Variants in IPO7 observed in about 807,000 individuals in gnomAD.
IPO7 encodes importin-7.
Under a neutral mutation model 136.4 loss-of-function variants are expected in IPO7, and 13 were observed. The ratio of observed to expected loss-of-function variants is 0.10; its 90% CI spans 0.06 to 0.15. The LOEUF (loss-of-function observed/expected upper bound fraction) is 0.15. IPO7 is among the 10% of genes least tolerant of loss of function. The pLI, the probability that IPO7 is intolerant of heterozygous loss-of-function variation, is 1.00. For missense variants in IPO7, 857 were observed against 1,240.6 expected, an observed-to-expected ratio of 0.69 and a Z score of 4.65; for synonymous variants, 403 against 404.4, an observed-to-expected ratio of 1.00 and a Z score of 0.04.
intron 4 of IPO7, among the ~76,000 whole-genome samples, chr11:9,413,111 C>T (rs1424955459): frequency 6.6e-6 from 1 of 152,080 alleles, no homozygotes; most frequent in Non-Finnish European, 1.5e-5. Context: ...ATCTCCTGAC[C>T]TCGTGATCCT....
chr11:9,420,385 A>T, intron 6 of IPO7, 26 bp from the exon 7 acceptor site: 2 of 1,402,074 alleles, frequency 1.4e-6, no homozygotes, highest in Non-Finnish European at 2.0e-6. Flanking sequence ...TATTATCTCT[A>T]TCATTAAATA....
At chr11:9,392,806 G>T (rs185092354) in intron 1 of IPO7, among the ~76,000 whole-genome samples, 1 of 151,778 alleles carries the variant, frequency 6.6e-6, no homozygotes, top group Non-Finnish European at 1.5e-5. Flanking sequence ...AAAATTAGCC[G>T]GGCATGGTGT....
In IPO7 at chr11:9,446,763, G is replaced by C. The variant is rs1227012505; in HGVS notation, c.*1569G>C. On this transcript the variant is annotated 3_prime_UTR_variant, in exon 25 of 25. Transcript: ENST00000379719. Reference sequence around the variant, plus strand: ...GTAATTAAGAAAACCCATTGTTGTTGTGTTTTTCTTGTATACCAATAATTA... The same window carrying C: ...GTAATTAAGAAAACCCATTGTTGTTCTGTTTTTCTTGTATACCAATAATTA... 6.6e-6 allele frequency: 1 copy of C among 152,138 alleles called. No individual in the cohort carries two copies. The highest frequency in any genetic ancestry group is 1.5e-5 in the Non-Finnish European group (1 of 68,028). 9.4% of individuals were successfully genotyped at this position (152,138 alleles called of 1,614,324 possible).
intron 24 of IPO7, among the ~76,000 whole-genome samples, chr11:9,444,474 G>A (rs143391050): frequency 1.3e-5 from 2 of 151,564 alleles, no homozygotes; most frequent in South Asian, 4.2e-4. Flanking sequence ...AGTGATTCTC[G>A]TGCCTCAGCT....
rs567900299 is a variant in IPO7, at chr11:9,392,968, T to C, written c.84+8121T>C. Among the ~76,000 whole-genome samples the C allele has an allele frequency of 3.9e-4, 58 of 149,532 alleles. 1 individual carries two copies. The South Asian group carries it at 5.9e-3, about 15-fold the overall frequency. ...TCTCAAAAAAAAAAAAAAAAAAAGT[T>C]ACGGGTTTGAAGAGTATGTTTTAAA... On this transcript the variant is annotated intron_variant, in intron 1 of 24. Transcript: ENST00000379719.
chr11:9,438,291 G>A lies in IPO7; in HGVS notation c.2695+6G>A. The A allele has an allele frequency of 6.7e-7, 1 of 1,492,630 alleles. No homozygotes were observed. Among genetic ancestry groups the A allele is most frequent in the Non-Finnish European group, 9.3e-7 (1 of 1,073,964 alleles). The allele number at this position is 1,492,630 out of a possible 1,614,324, so 92.5% of individuals were successfully genotyped here. ...TGAAGATGATGATGAAACCGGTAAG[G>A]GATTTTCAATGGAAGAAGACAAAAC... On this transcript the variant is annotated splice_donor_region_variant and intron_variant, in intron 22 of 24. Transcript: ENST00000379719.
At chr11:9,395,528 C>A (rs12801924) in intron 1 of IPO7, among the ~76,000 whole-genome samples, 1 of 151,892 alleles carries the variant, frequency 6.6e-6, no homozygotes, top group African/African-American at 2.4e-5. Context: ...TGTGAGCCAC[C>A]GCCCCCGGCC....
At chr11:9,425,390 T>C in intron 12 of IPO7, 128 bp downstream of exon 12, 1 of 655,946 alleles carries the variant, frequency 1.5e-6, no homozygotes, top group African/African-American at 1.8e-5. Context: ...GCAGATTGCC[T>C]GAGCCCAGGA....
chr11:9,429,957 G>C, intron 15 of IPO7, 123 bp downstream of exon 15: 1 of 624,482 alleles, frequency 1.6e-6, no homozygotes, highest in Non-Finnish European at 2.7e-6. Flanking sequence ...CCTGGGATCG[G>C]TTTCATGGAA....
intron 6 of IPO7, chr11:9,420,177 C>T (rs1257671659): frequency 1.1e-5 from 5 of 438,316 alleles, no homozygotes; most frequent in Admixed American, 8.0e-5. Context: ...ATTAGCTGGG[C>T]GTTGTGGCGG....
At chr11:9,393,658 C>T (rs1375751483) in intron 1 of IPO7, among the ~76,000 whole-genome samples, 2 of 152,168 alleles carry the variant, frequency 1.3e-5, no homozygotes, top group Non-Finnish European at 2.9e-5. Flanking sequence ...GTTGGGATTA[C>T]AGGCGTGAGC....
intron 8 of IPO7, 95 bp from the exon 9 acceptor site, chr11:9,422,911 T>G (rs1855154779): frequency 1.6e-6 from 1 of 638,276 alleles, no homozygotes; most frequent in South Asian, 3.8e-5. Context: ...ATGATGAGCT[T>G]GTCATTAAAA....
chr11:9,421,286 C>G (rs1304751080), intron 8 of IPO7, among the ~76,000 whole-genome samples: 1 of 149,482 alleles, frequency 6.7e-6, no homozygotes, highest in African/African-American at 2.5e-5. Flanking sequence ...TGCTTGAAAC[C>G]TCAAGTTTTA....
At chr11:9,391,762 A>G (rs1256251349) in intron 1 of IPO7, among the ~76,000 whole-genome samples, 2 of 152,108 alleles carry the variant, frequency 1.3e-5, no homozygotes, top group Non-Finnish European at 2.9e-5. Flanking sequence ...TTTTAAAATT[A>G]TTTTTATTGT....
intron 1 of IPO7, among the ~76,000 whole-genome samples, chr11:9,400,299 T>C (rs1854774453): frequency 6.6e-6 from 1 of 152,252 alleles, no homozygotes; most frequent in African/African-American, 2.4e-5. Flanking sequence ...AGTTATCTAT[T>C]TGGTTATCTT....
intron 4 of IPO7, among the ~76,000 whole-genome samples, chr11:9,413,125 G>T (rs930045267): frequency 2.2e-4 from 33 of 151,954 alleles, no homozygotes; most frequent in Admixed American, 5.3e-4. Flanking sequence ...TGATCCTCCC[G>T]CCTCGGCCTC....
chr11:9,409,713 G>T (rs1854942148), intron 3 of IPO7, among the ~76,000 whole-genome samples: 1 of 152,170 alleles, frequency 6.6e-6, no homozygotes, highest in South Asian at 2.1e-4. Context: ...GTTTATTGAT[G>T]ATAGGAATGA....
In IPO7 at chr11:9,397,341, A is replaced by AAAAAAAAAAAATATATAT; in HGVS notation, c.85-5948_85-5947insAAAAAAAAAATATATATA. Among the ~76,000 whole-genome samples, 23 of 10,764 alleles carry AAAAAAAAAAAATATATAT rather than the reference A, an allele frequency of 2.1e-3. 1 individual carries two copies. Among genetic ancestry groups the AAAAAAAAAAAATATATAT allele is most frequent in the Non-Finnish European group, 2.7e-3 (15 of 5,462 alleles). The allele number at this position is 10,764 out of a possible 152,430, so 7.1% of individuals were successfully genotyped here. On this transcript the variant is annotated intron_variant, in intron 1 of 24. Transcript: ENST00000379719. ...CTTTACTAAAAATAATTTAAAAAAA[A>AAAAAAAAAAAATATATAT]ATATATATATATATATATATATATT...
Position 9,425,104 on chromosome 11 carries a change from T to C in IPO7, c.1219-42T>C, listed in dbSNP as rs1225609832. On this transcript the variant is annotated intron_variant, in intron 11 of 24. Transcript: ENST00000379719. ...TTTTGTTAGTATGTTTTTTAAGGAC[T>C]GTTGGCCTATTCAGTAACAATACTT... The C allele has an allele frequency of 3.0e-6, 4 of 1,353,922 alleles. No individual in the cohort carries two copies. In the Admixed American group the frequency reaches 6.8e-5, roughly 23 times the overall value. The allele number at this position is 1,353,922 out of a possible 1,614,324, so 83.9% of individuals were successfully genotyped here.
Sources: allele counts gnomAD v4.1 joint callset (sites outside exome capture counted in the v4.1 genomes callset), GRCh38; gene constraint gnomAD v4.1.1; transcripts MANE v1.5; gene names NCBI Gene and HGNC (gene_info 2026-07-23, HGNC 2026-07-21).